PPFIBP2: variants seen among roughly 807,000 people sequenced by gnomAD.
PPFIBP2 encodes the protein PPFIB scaffold protein 2, also known as liprin-beta-2.
A neutral mutation model predicts 118.3 loss-of-function variants in PPFIBP2; 118 were observed. The observed-to-expected ratio is 1.00, with a 90% CI of 0.86 to 1.16. The LOEUF is 1.16. PPFIBP2 is among the 50% of genes most tolerant of loss of function. The pLI is 0.00. For synonymous variants in PPFIBP2, 414 were observed against 397.4 expected, an observed-to-expected ratio of 1.04 and a Z score of -0.50; for missense variants, 1,195 against 1,073.1, an observed-to-expected ratio of 1.11 and a Z score of -1.59.
intron 3 of PPFIBP2, among the ~76,000 whole-genome samples, chr11:7,580,279 A>G (rs1352734642): frequency 2.0e-5 from 3 of 152,150 alleles, no homozygotes; most frequent in Non-Finnish European, 4.4e-5. Context: ...CCTGTAGCCC[A>G]GGTCTGCAGC....
At chr11:7,594,941 A>G (rs1860021930) in intron 4 of PPFIBP2, among the ~76,000 whole-genome samples, 1 of 151,928 alleles carries the variant, frequency 6.6e-6, no homozygotes, top group African/African-American at 2.4e-5. Flanking sequence ...AAAAAAAGAA[A>G]AAGGAGAGTG....
intron 1 of PPFIBP2, among the ~76,000 whole-genome samples, chr11:7,528,343 A>G (rs941340634): frequency 6.6e-6 from 1 of 152,176 alleles, no homozygotes; most frequent in Non-Finnish European, 1.5e-5. Context: ...TGCAGTTTTC[A>G]CATTACAATA....
chr11:7,624,418 C>A (rs962428309), intron 7 of PPFIBP2, among the ~76,000 whole-genome samples: 2 of 152,242 alleles, frequency 1.3e-5, no homozygotes, highest in Non-Finnish European at 2.9e-5. Context: ...AGTCCATGCG[C>A]TGAAACTGAA....
intron 1 of PPFIBP2, chr11:7,548,372 C>T (rs1852560905): frequency 6.6e-6 from 1 of 152,266 alleles, no homozygotes. Context: ...CTCAGAACCA[C>T]CTGTTTCCTC....
At chr11:7,634,771 G>A (rs1851231547) in intron 13 of PPFIBP2, among the ~76,000 whole-genome samples, 1 of 152,190 alleles carries the variant, frequency 6.6e-6, no homozygotes, top group African/African-American at 2.4e-5. Flanking sequence ...TGGAGTTGAT[G>A]AGAGAAGATG....
In PPFIBP2 at chr11:7,549,464, G is replaced by T; in HGVS notation, c.-12G>T. On this transcript the variant is annotated 5_prime_UTR_variant, in exon 2 of 24. Coordinates refer to ENST00000299492, the MANE Select transcript of PPFIBP2 (RefSeq NM_003621.5). ...GTAAGAAGAGGAGGAGGCCAGGCAG[G>T]CAAAAGGAGTCATGGCTTCTGATGC... The T allele has an allele frequency of 1.3e-6, 2 of 1,557,088 alleles. No individual in the cohort carries two copies. The highest frequency in any genetic ancestry group is 2.4e-5 in the East Asian group (1 of 41,264).
chr11:7,569,252 T>C (rs1475330488), intron 3 of PPFIBP2, among the ~76,000 whole-genome samples: 1 of 152,226 alleles, frequency 6.6e-6, no homozygotes, highest in African/African-American at 2.4e-5. Context: ...AAAGCACAGC[T>C]GGGCCAGCAC....
chr11:7,593,004 G>T (rs1480721448), intron 3 of PPFIBP2, 128 bp from the exon 4 acceptor site: 3 of 1,336,330 alleles, frequency 2.2e-6, no homozygotes, highest in Non-Finnish European at 2.0e-6. Context: ...CTGTTTTGAT[G>T]ATTGGTTTTG....
chr11:7,597,485 C>A (rs1185375006), intron 4 of PPFIBP2, 75 bp from the exon 5 acceptor site: 1 of 1,536,468 alleles, frequency 6.5e-7, no homozygotes, highest in African/African-American at 1.4e-5. Context: ...TTTAACGGCT[C>A]CCCTGAGGTG....
At chr11:7,619,280 A>G (rs1849059738) in intron 6 of PPFIBP2, among the ~76,000 whole-genome samples, 2 of 152,344 alleles carry the variant, frequency 1.3e-5, no homozygotes, top group Non-Finnish European at 1.5e-5. Flanking sequence ...GGAGGTCAGG[A>G]TAGCTTTACT....
intron 5 of PPFIBP2, among the ~76,000 whole-genome samples, chr11:7,599,160 A>G (rs1180757428): frequency 6.6e-6 from 1 of 151,958 alleles, no homozygotes; most frequent in Non-Finnish European, 1.5e-5. Context: ...AGCCTGATGG[A>G]AAAAAATCTC....
rs145235342 is a variant in PPFIBP2, at chr11:7,648,487, G to A, written c.1747G>A (p.Val583Ile). ...GTATGTGATCTTTGCCAGGCAGTGG[G>A]TATCTTCTGGCCACACCTTATTGAC... ...AQYVIFARQWVSSGHTLLTAT... is the reference protein window; with the variant it reads ...AQYVIFARQWISSGHTLLTAT... Residue 583 changes from valine to isoleucine, a missense_variant, in exon 18 of 24, where the codon GTA becomes ATA. Val to Ile is a conservative substitution (Grantham distance 29, BLOSUM62 3). Transcript: ENST00000299492. 1.2e-6 allele frequency: 2 copies of A among 1,614,072 alleles called. No individual in the cohort carries two copies. The highest frequency in any genetic ancestry group is 1.7e-6 in the Non-Finnish European group (2 of 1,180,024).
At chr11:7,577,669 C>T (rs1007810497) in intron 3 of PPFIBP2, 30 of 454,444 alleles carry the variant, frequency 6.6e-5, no homozygotes, top group Non-Finnish European at 1.1e-4. Context: ...TCTGGGTCTC[C>T]GTGGAGATAA....
At position 7,629,541 on chromosome 11, in the gene PPFIBP2, G is replaced by A. The variant is rs774760325; in HGVS notation, c.964+7G>A. ...ATTGTGATGGTCACTCAAGGTAAGA[G>A]CAAGGGCGATCCTACCGTTGTCTCT... On this transcript the variant is annotated splice_region_variant and intron_variant, in intron 10 of 23. Coordinates refer to ENST00000299492, the MANE Select transcript of PPFIBP2 (RefSeq NM_003621.5). 4.3e-6 allele frequency: 7 copies of A among 1,613,634 alleles called. No homozygotes were observed. Among genetic ancestry groups the A allele is most frequent in the Non-Finnish European group, 5.9e-6 (7 of 1,179,542 alleles).
intron 3 of PPFIBP2, among the ~76,000 whole-genome samples, chr11:7,572,941 G>A (rs967685209): frequency 2.6e-5 from 4 of 152,084 alleles, no homozygotes; most frequent in South Asian, 4.1e-4. Context: ...CACCACACCC[G>A]GCTAATTTTT....
At chr11:7,662,151 A>G in the PPFIBP2 span, among the ~76,000 whole-genome samples, 6 of 150,278 alleles carry the variant, frequency 4.0e-5, no homozygotes, top group East Asian at 1.2e-3. Flanking sequence ...ATTTACATTT[A>G]AAGTTAATAT....
chr11:7,597,496 G>T (rs1205571039), intron 4 of PPFIBP2, 64 bp from the exon 5 acceptor site: 4 of 1,547,754 alleles, frequency 2.6e-6, no homozygotes, highest in East Asian at 2.3e-5. Flanking sequence ...CCCTGAGGTG[G>T]GGAGGCTTTC....
intron 18 of PPFIBP2, 71 bp from the exon 19 acceptor site, chr11:7,648,729 A>G: frequency 1.3e-6 from 2 of 1,500,986 alleles, no homozygotes; most frequent in Non-Finnish European, 1.9e-6. Context: ...ATCTCCACCC[A>G]GACACAGCTT....
chr11:7,641,424 G>A, intron 15 of PPFIBP2, 55 bp from the exon 16 acceptor site: 1 of 1,590,116 alleles, frequency 6.3e-7, no homozygotes, highest in Non-Finnish European at 8.6e-7. Context: ...TGGGGAAGAA[G>A]GGTTCCAGGG....
Sources: gnomAD v4.1 joint callset for allele counts (sites outside exome capture counted in the v4.1 genomes callset) on GRCh38, gnomAD v4.1.1 for gene constraint, MANE v1.5 for transcripts, NCBI Gene and HGNC (gene_info 2026-07-23, HGNC 2026-07-21) for gene names.